The following CLSTN2 variants were observed in gnomAD, a reference collection of about 807,000 sequenced individuals.
CLSTN2 encodes the protein calsyntenin-2.
Under a neutral mutation model 101.2 loss-of-function variants are expected in CLSTN2, and 48 were observed. The ratio of observed to expected loss-of-function variants is 0.47; its 90% CI spans 0.38 to 0.60. The LOEUF (loss-of-function observed/expected upper bound fraction) is 0.60, where lower values mean the gene tolerates loss of function less well. Ranked by LOEUF, CLSTN2 falls within the 20% of genes least tolerant of loss-of-function variation. The probability of loss-of-function intolerance (pLI) is 0.00; values close to 1 mark genes in which losing one functional copy is unlikely to be tolerated. For synonymous variants in CLSTN2, 481 were observed against 463.6 expected, an observed-to-expected ratio of 1.04 and a Z score of -0.48; for missense variants, 1,160 against 1,238.2, an observed-to-expected ratio of 0.94 and a Z score of 0.95.
At chr3:140,305,417 G>A (rs534964893) in intron 2 of CLSTN2, among the ~76,000 whole-genome samples, 1 of 152,168 alleles carries the variant, frequency 6.6e-6, no homozygotes, top group Admixed American at 6.5e-5. Context: ...GTGTGGTGGG[G>A]GTAAAGGCAT....
At chr3:140,176,994 C>T (rs1316517213) in intron 2 of CLSTN2, among the ~76,000 whole-genome samples, 3 of 152,140 alleles carry the variant, frequency 2.0e-5, no homozygotes, top group Non-Finnish European at 4.4e-5. Flanking sequence ...TTCTTTTGCA[C>T]TTCTAAGAGA....
At chr3:140,271,489 T>C (rs370811263) in intron 2 of CLSTN2, among the ~76,000 whole-genome samples, 117 of 152,262 alleles carry the variant, frequency 7.7e-4, no homozygotes, top group African/African-American at 2.7e-3. Context: ...AAGTCCAAGA[T>C]CAAGGTGCCA....
chr3:140,416,868 C>T (rs555796832), intron 4 of CLSTN2, among the ~76,000 whole-genome samples: 53 of 152,364 alleles, frequency 3.5e-4, no homozygotes, highest in African/African-American at 1.2e-3. Flanking sequence ...GCTGGGCTCT[C>T]TCTTTGACAG....
intron 2 of CLSTN2, among the ~76,000 whole-genome samples, chr3:140,185,401 C>T (rs1203868858): frequency 6.6e-6 from 1 of 152,136 alleles, no homozygotes; most frequent in Admixed American, 6.5e-5. Flanking sequence ...ACTCAACAAG[C>T]TCCAAGCTTA....
rs1196824026 is a variant in CLSTN2, at chr3:140,575,459, G to A, written c.*9206G>A. 1 of 152,188 alleles carries A rather than the reference G, an allele frequency of 6.6e-6. No individual in the cohort carries two copies. Among genetic ancestry groups the A allele is most frequent in the Non-Finnish European group, 1.5e-5 (1 of 68,042 alleles). The allele number at this position is 152,188 out of a possible 1,614,324, so 9.4% of individuals were successfully genotyped here. On this transcript the variant is annotated 3_prime_UTR_variant, in exon 17 of 17. Transcript: ENST00000458420. ...TCCAAAGTCAGAGCTGTTTGAAGGT[G>A]ATCAGCTCTTAATTGAACTAGTCAT...
intron 16 of CLSTN2, among the ~76,000 whole-genome samples, chr3:140,565,490 G>C (rs1167141556): frequency 6.6e-6 from 1 of 152,196 alleles, no homozygotes; most frequent in Non-Finnish European, 1.5e-5. Flanking sequence ...GGTACAGCCT[G>C]AGGACACAAG....
At chr3:140,076,310 G>T (rs2008487563) in intron 1 of CLSTN2, among the ~76,000 whole-genome samples, 1 of 152,168 alleles carries the variant, frequency 6.6e-6, no homozygotes, top group Admixed American at 6.5e-5. Context: ...TTCATCTGTT[G>T]ATGGACTCTT....
chr3:140,351,115 G>T (rs892889196), intron 2 of CLSTN2, among the ~76,000 whole-genome samples: 1 of 152,134 alleles, frequency 6.6e-6, no homozygotes, highest in African/African-American at 2.4e-5. Context: ...CCCAGAGTGG[G>T]GGACAAACAC....
chr3:140,253,588 G>A (rs994946102), intron 2 of CLSTN2, among the ~76,000 whole-genome samples: 7 of 152,078 alleles, frequency 4.6e-5, no homozygotes, highest in African/African-American at 7.2e-5. Context: ...TTCCTGACAC[G>A]GAAGAGTGTA....
chr3:140,501,374 T>C (rs1934574297), intron 8 of CLSTN2, among the ~76,000 whole-genome samples: 1 of 151,582 alleles, frequency 6.6e-6, no homozygotes, highest in African/African-American at 2.4e-5. Context: ...TCCTGCAAAC[T>C]AGCTTTCTCC....
At chr3:140,025,461 C>T (rs55982759) in intron 1 of CLSTN2, among the ~76,000 whole-genome samples, 29,915 of 152,074 alleles carry the variant, frequency 0.2, 3,202 homozygotes, top group Admixed American at 0.29. Context: ...CTCAGCTTTC[C>T]GTCTGTAGAA....
At chr3:140,501,639 C>T (rs1934578804) in intron 8 of CLSTN2, among the ~76,000 whole-genome samples, 1 of 150,812 alleles carries the variant, frequency 6.6e-6, no homozygotes, top group African/African-American at 2.4e-5. Context: ...AGTTGTGTTT[C>T]CCAAGGCCCT....
chr3:140,311,037 G>A (rs985386785), intron 2 of CLSTN2, among the ~76,000 whole-genome samples: 3 of 152,128 alleles, frequency 2.0e-5, no homozygotes, highest in African/African-American at 7.2e-5. Flanking sequence ...GCTAGTCAGA[G>A]AGGCTGAGGA....
chr3:140,219,148 A>G (rs1002191747), intron 2 of CLSTN2, among the ~76,000 whole-genome samples: 1 of 152,018 alleles, frequency 6.6e-6, no homozygotes, highest in Non-Finnish European at 1.5e-5. Context: ...AATACATGAT[A>G]CATGAACTGC....
At chr3:140,478,885 AGG>A (rs1934052243) in intron 8 of CLSTN2, among the ~76,000 whole-genome samples, 1 of 150,692 alleles carries the variant, frequency 6.6e-6, no homozygotes, top group Admixed American at 6.6e-5. Flanking sequence ...GAAGGAAGGA[AGG>A]AAGGAAGGAA....
intron 5 of CLSTN2, among the ~76,000 whole-genome samples, chr3:140,427,899 CT>C (rs2088590544): frequency 6.6e-6 from 1 of 152,184 alleles, no homozygotes; most frequent in African/African-American, 2.4e-5. Flanking sequence ...GTGTTTCCCT[CT>C]TGTCAACTGA....
chr3:139,961,330 G>C (rs1410931815), intron 1 of CLSTN2, among the ~76,000 whole-genome samples: 1 of 152,170 alleles, frequency 6.6e-6, no homozygotes, highest in Non-Finnish European at 1.5e-5. Context: ...TGTCATCATT[G>C]TGCACGTGTT....
intron 2 of CLSTN2, among the ~76,000 whole-genome samples, chr3:140,244,885 T>C (rs2086501714): frequency 6.6e-6 from 1 of 152,232 alleles, no homozygotes; most frequent in Admixed American, 6.5e-5. Context: ...TAAAGTTCTA[T>C]AGCTTATTAA....
At chr3:140,429,041 T>G (rs763702367) in intron 5 of CLSTN2, among the ~76,000 whole-genome samples, 2 of 152,148 alleles carry the variant, frequency 1.3e-5, no homozygotes, top group Non-Finnish European at 1.5e-5. Context: ...GCTGAGTGTG[T>G]CTAACACTTT....
Sources: gnomAD v4.1 joint callset for allele counts (sites outside exome capture counted in the v4.1 genomes callset) on GRCh38, gnomAD v4.1.1 for gene constraint, MANE v1.5 for transcripts, NCBI Gene and HGNC (gene_info 2026-07-23, HGNC 2026-07-21) for gene names.